Variants in ITPR2 observed in about 807,000 individuals in gnomAD.
ITPR2 encodes the protein inositol 1,4,5-trisphosphate receptor type 2.
In ITPR2, 207 loss-of-function variants were observed where a neutral mutation model predicts 317.1. That is an observed-to-expected ratio of 0.65 (90% CI 0.58 to 0.73). ITPR2 has a LOEUF of 0.73. Ranked by LOEUF, ITPR2 falls within the 30% of genes least tolerant of loss-of-function variation. ITPR2 has a pLI of 0.00. For missense variants in ITPR2, 2,613 were observed against 3,284.0 expected (o/e 0.80, Z 4.99); for synonymous variants, 1,156 against 1,149.1 (o/e 1.01, Z -0.12).
chr12:26,451,015 C>A (rs1031094172), intron 45 of ITPR2, among the ~76,000 whole-genome samples: 1 of 152,104 alleles, frequency 6.6e-6, no homozygotes, highest in Non-Finnish European at 1.5e-5. Flanking sequence ...TTCCAAGACA[C>A]CCTTGTTCCC....
At chr12:26,598,435 T>C (rs1197326137) in intron 30 of ITPR2, among the ~76,000 whole-genome samples, 1 of 152,146 alleles carries the variant, frequency 6.6e-6, no homozygotes, top group African/African-American at 2.4e-5. Context: ...GAAGCTCCCT[T>C]AACCCAAATG....
rs199897476 is a variant in ITPR2 at position 26,681,999 on chromosome 12, C to T, written c.1284G>A (p.Ala428=). 39 of 1,613,370 alleles carry T rather than the reference C, an allele frequency of 2.4e-5. No homozygotes were observed. The highest frequency in any genetic ancestry group is 4.5e-5 in the East Asian group (2 of 44,890). ...ACAGTGGAACAGACACGATTGCGAA[C>T]GCTTCTTTATCTTCTTTGGTTTGGC... ...GTCQTKEDKE[A]FAIVSVPLSE... is the part of the protein sequence containing the mutation. The change falls in exon 13 of 57, where the codon GCG becomes GCA. Residue 428 remains alanine, a synonymous_variant. Transcript: ENST00000381340.
chr12:26,545,304 C>T (rs114590451), intron 37 of ITPR2, among the ~76,000 whole-genome samples: 1,726 of 151,690 alleles, frequency 0.011, 23 homozygotes, highest in African/African-American at 0.038. Flanking sequence ...CAGGTGGTTC[C>T]AATGTAATCA....
At chr12:26,473,929 C>T (rs1487047734) in intron 45 of ITPR2, among the ~76,000 whole-genome samples, 1 of 152,130 alleles carries the variant, frequency 6.6e-6, no homozygotes, top group African/African-American at 2.4e-5. Flanking sequence ...AGTCATCTGC[C>T]CTTACCTCTT....
intron 34 of ITPR2, among the ~76,000 whole-genome samples, chr12:26,572,319 C>T (rs1282917297): frequency 6.6e-6 from 1 of 152,086 alleles, no homozygotes; most frequent in African/African-American, 2.4e-5. Flanking sequence ...ATGCTAAGTG[C>T]CACATAATCA....
chr12:26,678,896 C>T (rs1410093468), intron 13 of ITPR2, among the ~76,000 whole-genome samples: 1 of 152,146 alleles, frequency 6.6e-6, no homozygotes, highest in Non-Finnish European at 1.5e-5. Flanking sequence ...GGTGGAGAGA[C>T]CATAATCTGA....
At chr12:26,651,197 CT>C (rs142333013) in intron 21 of ITPR2, among the ~76,000 whole-genome samples, 62 of 152,042 alleles carry the variant, frequency 4.1e-4, no homozygotes, top group African/African-American at 1.4e-3. Flanking sequence ...TCTTGTTTTT[CT>C]TCTTCAGGGA....
chr12:26,575,021 C>G (rs1044815226), intron 34 of ITPR2, among the ~76,000 whole-genome samples: 7 of 151,300 alleles, frequency 4.6e-5, no homozygotes, highest in African/African-American at 1.7e-4. Flanking sequence ...ATCACAGACA[C>G]TAAGAAAGGC....
At chr12:26,596,771 C>A (rs1303779702) in intron 31 of ITPR2, 112 bp downstream of exon 31, 1 of 807,418 alleles carries the variant, frequency 1.2e-6, no homozygotes, top group East Asian at 3.1e-5. Context: ...AATTCCCTGA[C>A]TAAATATATG....
At chr12:26,799,606 A>G (rs1306336584) in intron 1 of ITPR2, among the ~76,000 whole-genome samples, 1 of 152,244 alleles carries the variant, frequency 6.6e-6, no homozygotes, top group Non-Finnish European at 1.5e-5. Context: ...TTGAAAGCTT[A>G]CAGTCCTAAT....
chr12:26,821,295 T>A (rs545589189), intron 1 of ITPR2, among the ~76,000 whole-genome samples: 2 of 152,306 alleles, frequency 1.3e-5, no homozygotes, highest in Non-Finnish European at 2.9e-5. Context: ...CTGCTCACAG[T>A]GATTTCCCCG....
chr12:26,654,434 A>T (rs895665751), intron 20 of ITPR2, among the ~76,000 whole-genome samples: 3 of 152,192 alleles, frequency 2.0e-5, no homozygotes, highest in African/African-American at 7.2e-5. Context: ...CCACTTAATA[A>T]ATGGTTGCAT....
At chr12:26,812,266 G>T (rs1950765475) in intron 1 of ITPR2, among the ~76,000 whole-genome samples, 1 of 151,894 alleles carries the variant, frequency 6.6e-6, no homozygotes, top group African/African-American at 2.4e-5. Flanking sequence ...GTAACCTTAT[G>T]ATTTTACCAT....
intron 2 of ITPR2, among the ~76,000 whole-genome samples, chr12:26,737,169 G>A (rs534558648): frequency 6.6e-6 from 1 of 152,170 alleles, no homozygotes; most frequent in Admixed American, 6.5e-5. Flanking sequence ...TGAGGCAGAG[G>A]CAGATGCAGT....
chr12:26,701,130 G>A (rs1368871741), intron 9 of ITPR2, among the ~76,000 whole-genome samples: 2 of 152,080 alleles, frequency 1.3e-5, no homozygotes, highest in Non-Finnish European at 2.9e-5. Context: ...AAGAAGTCAG[G>A]TATGGTGCAA....
At chr12:26,565,603 C>T (rs73087277) in intron 34 of ITPR2, among the ~76,000 whole-genome samples, 57 of 151,798 alleles carry the variant, frequency 3.8e-4, no homozygotes, top group Middle Eastern at 3.4e-3. Context: ...GATAATATTA[C>T]CAGCTGGTGG....
chr12:26,673,627 A>C (rs1336256773), intron 13 of ITPR2, among the ~76,000 whole-genome samples: 1 of 151,382 alleles, frequency 6.6e-6, no homozygotes, highest in Non-Finnish European at 1.5e-5. Flanking sequence ...CCCTTTGAAA[A>C]CTGGCACAAG....
At chr12:26,468,062 A>G (rs755501549) in intron 45 of ITPR2, among the ~76,000 whole-genome samples, 1 of 152,196 alleles carries the variant, frequency 6.6e-6, no homozygotes, top group Admixed American at 6.5e-5. Context: ...ATATAGCACA[A>G]CCTAGTGTAA....
intron 6 of ITPR2, 47 bp from the exon 7 acceptor site, chr12:26,715,882 C>G (rs1324113195): frequency 7.7e-7 from 1 of 1,295,942 alleles, no homozygotes; most frequent in East Asian, 2.3e-5. Flanking sequence ...AGATTCCATT[C>G]TCTACCAGAA....
Sources: allele counts gnomAD v4.1 joint callset (sites outside exome capture counted in the v4.1 genomes callset), GRCh38; gene constraint gnomAD v4.1.1; transcripts MANE v1.5; gene names NCBI Gene and HGNC (gene_info 2026-07-23, HGNC 2026-07-21).